Variants in LINGO2 observed in about 807,000 individuals in gnomAD.
LINGO2 encodes the protein leucine-rich repeat and immunoglobulin-like domain-containing nogo receptor-interacting protein 2.
In LINGO2, 14 loss-of-function variants were observed where a neutral mutation model predicts 30.6. The ratio of observed to expected loss-of-function variants is 0.46; its 90% confidence interval spans 0.30 to 0.72. LINGO2 has a LOEUF of 0.72. Among genes scored for constraint, LINGO2 ranks in the 30% least tolerant of loss-of-function variants. The pLI is 0.07. For missense variants in LINGO2, 729 were observed against 751.7 expected, an observed-to-expected ratio of 0.97 and a Z score of 0.35; for synonymous variants, 317 against 288.5, an observed-to-expected ratio of 1.10 and a Z score of -1.00.
chr9:28,267,451 T>C (rs1331012979), intron 4 of LINGO2, among the ~76,000 whole-genome samples: 1 of 152,056 alleles, frequency 6.6e-6, no homozygotes, highest in Non-Finnish European at 1.5e-5. Context: ...ATCTGGGTTG[T>C]AGTTTTCTCT....
chr9:29,031,379 T>C, the LINGO2 span, among the ~76,000 whole-genome samples: 2 of 151,848 alleles, frequency 1.3e-5, no homozygotes, highest in Non-Finnish European at 2.9e-5. Context: ...ATCTCCAGGG[T>C]TCAAGCGATT....
At chr9:28,093,278 A>T (rs1434735073) in intron 4 of LINGO2, among the ~76,000 whole-genome samples, 2 of 152,010 alleles carry the variant, frequency 1.3e-5, no homozygotes, top group African/African-American at 4.8e-5. Flanking sequence ...AGCTGCAGAC[A>T]CCTCTGTGAA....
At chr9:28,684,122 G>T in the LINGO2 span, among the ~76,000 whole-genome samples, 1 of 141,802 alleles carries the variant, frequency 7.1e-6, no homozygotes, top group African/African-American at 2.6e-5. Flanking sequence ...TCCATTGTAT[G>T]CATCAATAAA....
chr9:29,131,953 G>A, the LINGO2 span, among the ~76,000 whole-genome samples: 1 of 151,166 alleles, frequency 6.6e-6, no homozygotes, highest in Non-Finnish European at 1.5e-5. Flanking sequence ...ATACCTCTGG[G>A]TAGTTGTATT....
At chr9:28,370,899 T>C (rs1820869887) in intron 3 of LINGO2, among the ~76,000 whole-genome samples, 1 of 152,170 alleles carries the variant, frequency 6.6e-6, no homozygotes, top group African/African-American at 2.4e-5. Flanking sequence ...AAATGAATAA[T>C]AGTTGAAGCA....
the LINGO2 span, among the ~76,000 whole-genome samples, chr9:28,903,152 A>G: frequency 6.6e-6 from 1 of 152,210 alleles, no homozygotes; most frequent in African/African-American, 2.4e-5. Flanking sequence ...GAAAAGACAG[A>G]AGATTCAAAT....
the LINGO2 span, among the ~76,000 whole-genome samples, chr9:28,698,676 T>C: frequency 9.2e-5 from 14 of 152,006 alleles, no homozygotes; most frequent in East Asian, 1.4e-3. Context: ...CACAATAACA[T>C]TGAATAGAAA....
chr9:29,073,825 C>T, the LINGO2 span, among the ~76,000 whole-genome samples: 1 of 152,146 alleles, frequency 6.6e-6, no homozygotes, highest in Non-Finnish European at 1.5e-5. Flanking sequence ...GGCAAATACA[C>T]CAAACACAAA....
chr9:28,286,793 A>T (rs1823524805), intron 4 of LINGO2, among the ~76,000 whole-genome samples: 1 of 152,132 alleles, frequency 6.6e-6, no homozygotes, highest in Admixed American at 6.5e-5. Flanking sequence ...GAAACAACAC[A>T]TAATGGGGCC....
At chr9:28,156,474 T>C (rs993299765) in intron 4 of LINGO2, among the ~76,000 whole-genome samples, 13 of 152,240 alleles carry the variant, frequency 8.5e-5, no homozygotes, top group African/African-American at 3.1e-4. Context: ...CAGGGATTTT[T>C]AATCCCAGTT....
At chr9:29,181,915 A>G in the LINGO2 span, among the ~76,000 whole-genome samples, 1 of 152,220 alleles carries the variant, frequency 6.6e-6, no homozygotes, top group African/African-American at 2.4e-5. Context: ...AGAAAGAAAA[A>G]GTAAATATTT....
the LINGO2 span, among the ~76,000 whole-genome samples, chr9:28,676,046 C>G: frequency 1.3e-5 from 2 of 150,150 alleles, no homozygotes; most frequent in Non-Finnish European, 3.0e-5. Flanking sequence ...ATATTCCTAA[C>G]AAAATGACAT....
intron 1 of LINGO2, among the ~76,000 whole-genome samples, chr9:28,574,479 A>G (rs1281033043): frequency 6.6e-6 from 1 of 152,126 alleles, no homozygotes; most frequent in African/African-American, 2.4e-5. Context: ...CTATGACACT[A>G]ATGTTGTTTT....
At chr9:28,829,885 A>G in the LINGO2 span, among the ~76,000 whole-genome samples, 1 of 152,152 alleles carries the variant, frequency 6.6e-6, no homozygotes, top group Non-Finnish European at 1.5e-5. Flanking sequence ...GAGAAACTCC[A>G]TCTCAAAAAA....
chr9:28,220,589 G>C (rs960173231), intron 4 of LINGO2, among the ~76,000 whole-genome samples: 4 of 152,128 alleles, frequency 2.6e-5, no homozygotes, highest in African/African-American at 7.2e-5. Context: ...AGATTTTTCA[G>C]ATCAACTTTA....
chr9:28,649,833 G>T (rs551253906), intron 1 of LINGO2, among the ~76,000 whole-genome samples: 1 of 152,004 alleles, frequency 6.6e-6, no homozygotes, highest in Non-Finnish European at 1.5e-5. Context: ...ACAGAAAAAG[G>T]TAATCTAAAG....
chr9:29,203,026 T>A, the LINGO2 span, among the ~76,000 whole-genome samples: 1 of 152,162 alleles, frequency 6.6e-6, no homozygotes, highest in Non-Finnish European at 1.5e-5. Flanking sequence ...AAATTTTTAC[T>A]GAGTTTATGC....
chr9:28,762,418 T>C, the LINGO2 span, among the ~76,000 whole-genome samples: 1 of 152,068 alleles, frequency 6.6e-6, no homozygotes. Context: ...TTTTTGTTTA[T>C]CTCTGAATCA....
chr9:28,680,713 G>A, the LINGO2 span, among the ~76,000 whole-genome samples: 1 of 151,928 alleles, frequency 6.6e-6, no homozygotes, highest in African/African-American at 2.4e-5. Flanking sequence ...GCTTTTATTT[G>A]ATAATTAGTG....
Sources: gnomAD v4.1 joint callset for allele counts (sites outside exome capture counted in the v4.1 genomes callset) on GRCh38, gnomAD v4.1.1 for gene constraint, MANE v1.5 for transcripts, NCBI Gene and HGNC (gene_info 2026-07-23, HGNC 2026-07-21) for gene names.